The following ZNF90 variants were observed in gnomAD, a reference collection of about 807,000 sequenced individuals.
ZNF90 encodes zinc finger protein HTF9.
Under a neutral mutation model 12.0 loss-of-function variants are expected in ZNF90, and 11 were observed. The observed-to-expected ratio is 0.92, with a 90% CI of 0.58 to 1.52. The LOEUF (loss-of-function observed/expected upper bound fraction) is 1.52, where lower values mean the gene tolerates loss of function less well. Ranked by LOEUF, ZNF90 falls within the 40% of genes most tolerant of loss-of-function variation. The pLI is 0.00. For missense variants in ZNF90, 765 were observed against 711.5 expected (o/e 1.08, Z -0.86); for synonymous variants, 232 against 240.1 (o/e 0.97, Z 0.31).
intron 1 of ZNF90, among the ~76,000 whole-genome samples, chr19:20,083,169 C>T (rs1027468128): frequency 6.6e-6 from 1 of 152,128 alleles, no homozygotes. Flanking sequence ...GCCGGTCCTC[C>T]ATCTGCTGAG....
At chr19:20,117,397 C>CTCCTTCCTTCCTTTCT (rs2089148480) in intron 3 of ZNF90, among the ~76,000 whole-genome samples, 1 of 91,346 alleles carries the variant, frequency 1.1e-5, no homozygotes, top group African/African-American at 7.1e-5. Flanking sequence ...CTTTTCTTTT[C>CTCCTTCCTTCCTTTCT]TCCTTCCTTC....
intron 1 of ZNF90, among the ~76,000 whole-genome samples, chr19:20,094,643 T>C (rs895214138): frequency 1.3e-5 from 2 of 152,208 alleles, no homozygotes; most frequent in African/African-American, 4.8e-5. Flanking sequence ...GTCTGGCTCG[T>C]GAAGCCGGCG....
At chr19:20,088,141 G>T (rs1470489186) in intron 1 of ZNF90, among the ~76,000 whole-genome samples, 5 of 152,084 alleles carry the variant, frequency 3.3e-5, no homozygotes, top group Non-Finnish European at 1.5e-5. Flanking sequence ...TGACATTCCT[G>T]CCTTCTTATA....
intron 1 of ZNF90, among the ~76,000 whole-genome samples, chr19:20,091,501 T>C (rs1187040525): frequency 6.6e-6 from 1 of 152,178 alleles, no homozygotes; most frequent in Non-Finnish European, 1.5e-5. Flanking sequence ...AGGTGGAAGT[T>C]TCCGTGGGGG....
intron 3 of ZNF90, among the ~76,000 whole-genome samples, chr19:20,111,887 C>T (rs1555705168): frequency 1.3e-5 from 2 of 148,328 alleles, no homozygotes. Flanking sequence ...GGGATGGAGT[C>T]TCACTCTATT....
At position 20,119,056 on chromosome 19, in the gene ZNF90, T is replaced by A. The variant is rs192513704; in HGVS notation, c.1502T>A (p.Ile501Lys). The change falls in exon 4 of 4, where the codon ATA (isoleucine) becomes AAA (lysine). Residue 501 changes from isoleucine to lysine, a missense_variant. Ile to Lys is a moderately radical substitution (Grantham distance 102). Transcript: ENST00000418063. ...TCCTCAGCCCTTAGCACACATAAGA[T>A]AATTCACAGTGGAGAGAATCCCTAC... ...KYSSALSTHK[I>K]IHSGENPYKC... The A allele has an allele frequency of 3.7e-6, 6 of 1,610,312 alleles. No individual in the cohort carries two copies. Among genetic ancestry groups the A allele is most frequent in the Middle Eastern group, 1.7e-4 (1 of 6,058 alleles).
At chr19:20,093,112 C>T (rs12973272) in intron 1 of ZNF90, among the ~76,000 whole-genome samples, 28,087 of 151,166 alleles carry the variant, frequency 0.19, 2,939 homozygotes, top group Middle Eastern at 0.28. Flanking sequence ...TAAGATCAAG[C>T]ATGGAATAGT....
intron 3 of ZNF90, among the ~76,000 whole-genome samples, chr19:20,111,450 G>A (rs773984465): frequency 3.3e-5 from 5 of 151,948 alleles, no homozygotes; most frequent in Non-Finnish European, 7.4e-5. Context: ...TGAACTCCTG[G>A]GATCAAGTGA....
rs782148869 is a variant in ZNF90 at position 20,119,134 on chromosome 19, A to G, written c.1580A>G (p.His527Arg). 13 of 1,613,186 alleles carry G rather than the reference A, an allele frequency of 8.1e-6. No individual in the cohort carries two copies. The highest frequency in any genetic ancestry group is 1.3e-5 in the African/African-American group (1 of 74,844). Residue 527 changes from histidine to arginine, a missense_variant, in exon 4 of 4, where the codon CAT (histidine) becomes CGT (arginine). His to Arg is a conservative substitution (Grantham distance 29). Coordinates refer to ENST00000418063, the MANE Select transcript of ZNF90 (RefSeq NM_007138.2). ...AAGCGCTCCTCAGTCCTTAGTAAAC[A>G]TAAGATAATTCATACTGGAGCGAAA... ...AFKRSSVLSK[H>R]KIIHTGAKPY...
intron 1 of ZNF90, chr19:20,079,910 A>G (rs2088807334): frequency 2.4e-6 from 1 of 414,510 alleles, no homozygotes; most frequent in African/African-American, 2.2e-5. Context: ...TGATTTTGGC[A>G]TTCTTTTTCC....
intron 1 of ZNF90, among the ~76,000 whole-genome samples, chr19:20,095,825 G>C (rs529870136): frequency 6.6e-6 from 1 of 152,098 alleles, no homozygotes; most frequent in Non-Finnish European, 1.5e-5. Flanking sequence ...AAGGGGTAGA[G>C]ACAAGGAGAG....
In ZNF90 at chr19:20,082,934, G is replaced by A. The variant is rs113943880; in HGVS notation, c.3+4799G>A. 3.8e-3 allele frequency among the ~76,000 whole-genome samples: 572 copies of A among 152,294 alleles called. 5 individuals are homozygous for A. Among genetic ancestry groups the A allele is most frequent in the African/African-American group, 0.013 (544 of 41,558 alleles). On this transcript the variant is annotated intron_variant, in intron 1 of 3. Coordinates refer to ENST00000418063, the MANE Select transcript of ZNF90 (RefSeq NM_007138.2). ...ACCCCCTTAACGCTGGAGGTGAGAC[G>A]TGCTGGTGGCAATACTGCTCTTTAA...
intron 1 of ZNF90, among the ~76,000 whole-genome samples, chr19:20,089,356 G>A (rs1465623672): frequency 6.6e-6 from 1 of 152,182 alleles, no homozygotes; most frequent in African/African-American, 2.4e-5. Flanking sequence ...TACAGGGCAA[G>A]TGTCTTCCTA....
chr19:20,088,362 G>A (rs549929641), intron 1 of ZNF90, among the ~76,000 whole-genome samples: 11 of 152,182 alleles, frequency 7.2e-5, no homozygotes, highest in South Asian at 2.1e-4. Context: ...AACATTTGTC[G>A]TATAGAAAGA....
At chr19:20,097,835 A>T (rs1189189920) in intron 1 of ZNF90, among the ~76,000 whole-genome samples, 1 of 152,234 alleles carries the variant, frequency 6.6e-6, no homozygotes, top group Non-Finnish European at 1.5e-5. Flanking sequence ...AAATTAAACT[A>T]ATGCCACATT....
At chr19:20,103,118 CA>C (rs1253557517) in intron 1 of ZNF90, among the ~76,000 whole-genome samples, 6 of 152,072 alleles carry the variant, frequency 3.9e-5, no homozygotes, top group Non-Finnish European at 7.4e-5. Context: ...GGTGGGACAC[CA>C]GGGGGCCATT....
At position 20,119,620 on chromosome 19, in the gene ZNF90, TTC is replaced by T; in HGVS notation, c.*262_*263del. On this transcript the variant is annotated 3_prime_UTR_variant, in exon 4 of 4. Transcript: ENST00000418063. ...AGCAAAGCCTATAACAAGTTCTCAATTCTTTTTTTTTTTTTTTAAGAAGGAGT... is the reference window on the plus strand; with the variant it reads ...AGCAAAGCCTATAACAAGTTCTCAATTTTTTTTTTTTTTTTAAGAAGGAGT... 1 of 331,852 alleles carries T rather than the reference TTC, an allele frequency of 3.0e-6. No homozygotes were observed. The highest frequency in any genetic ancestry group is 5.3e-6 in the Non-Finnish European group (1 of 186,922). The allele number at this position is 331,852 out of a possible 1,614,324, so 20.6% of individuals were successfully genotyped here.
rs1181461629 is a variant in ZNF90 at position 20,120,957 on chromosome 19, GAA to G, written c.*1599_*1600del. ...TCCTTATAACCTTTTCTATTAAAGA[GAA>G]AGGATATTAAAATGTAAGATGCATG... On this transcript the variant is annotated 3_prime_UTR_variant, in exon 4 of 4. Coordinates refer to ENST00000418063, the MANE Select transcript of ZNF90 (RefSeq NM_007138.2). The G allele has an allele frequency of 2.0e-5, 3 of 152,570 alleles. No individual in the cohort carries two copies. The highest frequency in any genetic ancestry group is 1.3e-4 in the Admixed American group (2 of 15,300). The allele number at this position is 152,570 out of a possible 1,614,324, so 9.5% of individuals were successfully genotyped here.
At chr19:20,086,593 G>A (rs1324570196) in intron 1 of ZNF90, among the ~76,000 whole-genome samples, 14 of 151,962 alleles carry the variant, frequency 9.2e-5, no homozygotes, top group Non-Finnish European at 1.6e-4. Flanking sequence ...CACTTAAATG[G>A]TTATTTTAAT....
Sources: allele counts gnomAD v4.1 joint callset (sites outside exome capture counted in the v4.1 genomes callset), GRCh38; gene constraint gnomAD v4.1.1; transcripts MANE v1.5; gene names NCBI Gene and HGNC (gene_info 2026-07-23, HGNC 2026-07-21).